SLC25A21: variants seen among roughly 807,000 people sequenced by gnomAD.
SLC25A21 encodes the protein mitochondrial 2-oxodicarboxylate carrier.
SLC25A21 carries 47 observed loss-of-function variants against 43.8 expected under a neutral mutation model. That is an observed-to-expected ratio of 1.07 (90% CI 0.85 to 1.37). SLC25A21 has a LOEUF of 1.37. Ranked by LOEUF, SLC25A21 falls within the 40% of genes most tolerant of loss-of-function variation. The pLI is 0.00. For missense variants in SLC25A21, 352 were observed against 350.2 expected, an observed-to-expected ratio of 1.00 and a Z score of -0.04; for synonymous variants, 131 against 121.3, an observed-to-expected ratio of 1.08 and a Z score of -0.52.
intron 1 of SLC25A21, among the ~76,000 whole-genome samples, chr14:37,085,831 C>G (rs1300310843): frequency 6.6e-6 from 1 of 152,132 alleles, no homozygotes; most frequent in African/African-American, 2.4e-5. Context: ...CTTGGCCGGC[C>G]GCGGTGGCTT....
At chr14:37,096,432 A>G (rs1962695717) in intron 1 of SLC25A21, among the ~76,000 whole-genome samples, 1 of 152,060 alleles carries the variant, frequency 6.6e-6, no homozygotes, top group South Asian at 2.1e-4. Flanking sequence ...GTTCTCTGTT[A>G]TTATTTCTTT....
chr14:36,796,375 TTCTC>T (rs772368678), intron 3 of SLC25A21, among the ~76,000 whole-genome samples: 4,995 of 143,506 alleles, frequency 0.035, 219 homozygotes, highest in African/African-American at 0.11. Context: ...ATTTATTTAT[TTCTC>T]TCTTTCTCTT....
intron 7 of SLC25A21, among the ~76,000 whole-genome samples, chr14:36,686,138 A>C (rs1003390102): frequency 6.6e-6 from 1 of 152,164 alleles, no homozygotes; most frequent in Admixed American, 6.5e-5. Context: ...AGGGCTCTGA[A>C]ATTTTCAACT....
intron 3 of SLC25A21, among the ~76,000 whole-genome samples, chr14:36,781,141 C>A (rs1206075910): frequency 6.6e-6 from 1 of 152,070 alleles, no homozygotes; most frequent in Non-Finnish European, 1.5e-5. Flanking sequence ...GGATAGCCAT[C>A]CCTGCTGTGT....
chr14:36,998,887 G>T (rs1271775623), intron 1 of SLC25A21, among the ~76,000 whole-genome samples: 1 of 152,014 alleles, frequency 6.6e-6, no homozygotes, highest in Non-Finnish European at 1.5e-5. Flanking sequence ...CCAAAATCCA[G>T]AACCCCAACA....
At chr14:36,790,578 T>C (rs1020375093) in intron 3 of SLC25A21, among the ~76,000 whole-genome samples, 2 of 152,184 alleles carry the variant, frequency 1.3e-5, no homozygotes, top group African/African-American at 4.8e-5. Context: ...CTACTCATAC[T>C]ATTTAAACAG....
intron 1 of SLC25A21, among the ~76,000 whole-genome samples, chr14:36,921,381 C>G (rs929459845): frequency 3.3e-5 from 5 of 151,978 alleles, no homozygotes; most frequent in African/African-American, 1.2e-4. Flanking sequence ...CCTGGAGATG[C>G]AAAATAATAG....
chr14:37,109,635 C>T (rs1275606265), intron 1 of SLC25A21, among the ~76,000 whole-genome samples: 1 of 152,112 alleles, frequency 6.6e-6, no homozygotes, highest in Admixed American at 6.6e-5. Flanking sequence ...AGTCAGGAGA[C>T]CTATGTGCTA....
intron 2 of SLC25A21, among the ~76,000 whole-genome samples, chr14:36,850,140 C>T (rs887114671): frequency 6.6e-6 from 1 of 152,000 alleles, no homozygotes; most frequent in African/African-American, 2.4e-5. Flanking sequence ...AAAGGGAGAC[C>T]TAAAGGATGA....
At chr14:36,923,666 A>G (rs887433835) in intron 1 of SLC25A21, among the ~76,000 whole-genome samples, 7 of 152,186 alleles carry the variant, frequency 4.6e-5, no homozygotes, top group Admixed American at 4.6e-4. Context: ...ATGGGATGTG[A>G]AAAATGGAAA....
At position 36,679,706 on chromosome 14, in the gene SLC25A21, A is replaced by T; in HGVS notation, c.*952T>A. 1.0e-6 allele frequency: 1 copy of T among 985,444 alleles called. No individual in the cohort carries two copies. Among genetic ancestry groups the T allele is most frequent in the South Asian group, 4.7e-5 (1 of 21,294 alleles). The allele number at this position is 985,444 out of a possible 1,614,324, so 61.0% of individuals were successfully genotyped here. ...TTTAAAACTAATAACCTGAAAATGC[A>T]GTTCTGTTCTATACATTCTTCCTAA... On this transcript the variant is annotated 3_prime_UTR_variant, in exon 10 of 10. Coordinates refer to ENST00000331299, the MANE Select transcript of SLC25A21 (RefSeq NM_030631.4).
At chr14:36,958,678 T>TGCGCAC (rs147541950) in intron 1 of SLC25A21, among the ~76,000 whole-genome samples, 1 of 107,660 alleles carries the variant, frequency 9.3e-6, no homozygotes, top group Non-Finnish European at 1.9e-5. Flanking sequence ...TAAGCACACG[T>TGCGCAC]GCACACACAC....
chr14:36,902,749 C>A (rs559386217), intron 1 of SLC25A21, among the ~76,000 whole-genome samples: 19 of 152,224 alleles, frequency 1.2e-4, no homozygotes, highest in Admixed American at 3.3e-4. Context: ...GTAATTCCAG[C>A]TTATTTAGCG....
chr14:36,877,776 A>C (rs78436127), intron 1 of SLC25A21, among the ~76,000 whole-genome samples: 1,588 of 152,188 alleles, frequency 0.01, 34 homozygotes, highest in African/African-American at 0.036. Flanking sequence ...TGAGCATTAC[A>C]GCAGCCTAGG....
At chr14:36,952,635 A>G (rs1196655735) in intron 1 of SLC25A21, among the ~76,000 whole-genome samples, 2 of 152,178 alleles carry the variant, frequency 1.3e-5, no homozygotes, top group Non-Finnish European at 2.9e-5. Context: ...AAAAAGTCCC[A>G]CCATTTTCCA....
At chr14:36,867,179 T>C (rs938884746) in intron 2 of SLC25A21, among the ~76,000 whole-genome samples, 1 of 152,108 alleles carries the variant, frequency 6.6e-6, no homozygotes, top group African/African-American at 2.4e-5. Context: ...CCTACTTCTT[T>C]CCCAATCCAG....
chr14:36,736,979 G>T (rs752890164), intron 3 of SLC25A21, among the ~76,000 whole-genome samples: 6 of 152,146 alleles, frequency 3.9e-5, no homozygotes, highest in Non-Finnish European at 8.8e-5. Context: ...CCTGAAAAGT[G>T]GTGAGTTTCC....
chr14:36,858,405 G>C (rs531994007), intron 2 of SLC25A21, among the ~76,000 whole-genome samples: 10 of 152,274 alleles, frequency 6.6e-5, no homozygotes, highest in African/African-American at 1.9e-4. Flanking sequence ...CCTCAATTCT[G>C]AAAATATTTT....
intron 1 of SLC25A21, among the ~76,000 whole-genome samples, chr14:36,922,334 G>C (rs1044479998): frequency 1.3e-5 from 2 of 151,974 alleles, no homozygotes; most frequent in Non-Finnish European, 2.9e-5. Flanking sequence ...CTCTATGATC[G>C]TTCCTGCATT....
Sources: gnomAD v4.1 joint callset for allele counts (sites outside exome capture counted in the v4.1 genomes callset) on GRCh38, gnomAD v4.1.1 for gene constraint, MANE v1.5 for transcripts, NCBI Gene and HGNC (gene_info 2026-07-23, HGNC 2026-07-21) for gene names.